The following BANP variants were observed in gnomAD, a reference collection of about 807,000 sequenced individuals.
The protein encoded by BANP is protein BANP.
In BANP, 11 loss-of-function variants were observed where a neutral mutation model predicts 68.1. The ratio of observed to expected loss-of-function variants is 0.16; its 90% CI spans 0.10 to 0.27. The LOEUF is 0.27. Among genes scored for constraint, BANP ranks in the 10% least tolerant of loss-of-function variants. The pLI is 1.00. For synonymous variants in BANP, 329 were observed against 303.2 expected (o/e 1.09, Z -0.88); for missense variants, 504 against 722.7 (o/e 0.70, Z 3.47).
At chr16:88,017,048 G>A (rs2074742489) in intron 6 of BANP, 2 of 152,200 alleles carry the variant, frequency 1.3e-5, no homozygotes, top group South Asian at 2.1e-4. Context: ...AGCTGTGTAT[G>A]CTAGGAGCAC....
Position 87,975,136 on chromosome 16 carries a change from G to T in BANP, c.21G>T (p.Leu7=). The change falls in exon 2 of 14, where the codon CTG becomes CTT. Residue 7 remains leucine, a synonymous_variant. Coordinates refer to ENST00000682872, the MANE Select transcript of BANP (RefSeq NM_001386991.1). ...TCTGGATGATGTCGGAACACGACCT[G>T]GCCGATGTGGTTCAGATTGCAGTGG... MMSEHD[L]ADVVQIAVED... is the part of the protein sequence containing the mutation. 6.2e-7 allele frequency: 1 copy of T among 1,614,098 alleles called. No individual in the cohort carries two copies. The highest frequency in any genetic ancestry group is 8.5e-7 in the Non-Finnish European group (1 of 1,179,994).
At chr16:88,032,430 G>A (rs1598655004) in intron 8 of BANP, among the ~76,000 whole-genome samples, 1 of 152,180 alleles carries the variant, frequency 6.6e-6, no homozygotes, top group East Asian at 1.9e-4. Context: ...TTGAACTCGT[G>A]ACCTCAGGTG....
chr16:87,974,501 C>G (rs904071954), intron 1 of BANP, among the ~76,000 whole-genome samples: 4 of 152,172 alleles, frequency 2.6e-5, no homozygotes, highest in African/African-American at 9.7e-5. Flanking sequence ...TGCTGCCACT[C>G]CGCCGGGCCT....
intron 7 of BANP, among the ~76,000 whole-genome samples, chr16:88,021,116 G>T (rs1270726082): frequency 6.6e-6 from 1 of 152,230 alleles, no homozygotes; most frequent in East Asian, 1.9e-4. Flanking sequence ...GGGAGTGGGA[G>T]CCTGGCATGG....
intron 7 of BANP, among the ~76,000 whole-genome samples, chr16:88,024,352 AAGTGATGAGAGT>A (rs1231939070): frequency 6.6e-6 from 1 of 152,232 alleles, no homozygotes; most frequent in Admixed American, 6.5e-5. Context: ...CTCAAAACCA[AAGTGATGAGAGT>A]AGTGACATTC....
At chr16:88,069,764 C>T (rs148495662) in intron 12 of BANP, among the ~76,000 whole-genome samples, 17 of 152,388 alleles carry the variant, frequency 1.1e-4, no homozygotes, top group East Asian at 9.6e-4. Context: ...CACCAAAAAA[C>T]GAACGTTTGT....
intron 11 of BANP, among the ~76,000 whole-genome samples, chr16:88,038,445 C>T (rs1279316182): frequency 6.6e-6 from 1 of 152,198 alleles, no homozygotes; most frequent in Non-Finnish European, 1.5e-5. Flanking sequence ...AGCTTTTGCG[C>T]TATGGCGGAA....
At chr16:88,020,239 AAGC>A (rs1236870523) in intron 7 of BANP, among the ~76,000 whole-genome samples, 1 of 152,210 alleles carries the variant, frequency 6.6e-6, no homozygotes, top group Non-Finnish European at 1.5e-5. Context: ...TTAGCTCTGA[AAGC>A]AGCCACAGAC....
intron 4 of BANP, among the ~76,000 whole-genome samples, chr16:87,996,927 G>A (rs1322397408): frequency 6.6e-6 from 1 of 152,044 alleles, no homozygotes; most frequent in African/African-American, 2.4e-5. Context: ...GCATGTACTT[G>A]GACAAAGCCT....
At chr16:87,964,707 G>A (rs948372063) in intron 1 of BANP, among the ~76,000 whole-genome samples, 2 of 98,226 alleles carry the variant, frequency 2.0e-5, no homozygotes, top group Non-Finnish European at 4.3e-5. Context: ...ACAGTGAGAC[G>A]GCCGTATGTG....
At chr16:87,997,250 C>T (rs1288279681) in intron 4 of BANP, among the ~76,000 whole-genome samples, 3 of 152,206 alleles carry the variant, frequency 2.0e-5, no homozygotes, top group Non-Finnish European at 4.4e-5. Context: ...TGAGCCACCG[C>T]ACCTGGCTGA....
chr16:88,023,632 A>G (rs1299718478), intron 7 of BANP, among the ~76,000 whole-genome samples: 5 of 152,208 alleles, frequency 3.3e-5, no homozygotes, highest in African/African-American at 1.2e-4. Flanking sequence ...CCACCAAGGC[A>G]CAAGATGACA....
chr16:88,013,836 C>T (rs2073836252), intron 6 of BANP, among the ~76,000 whole-genome samples: 1 of 152,182 alleles, frequency 6.6e-6, no homozygotes, highest in Non-Finnish European at 1.5e-5. Flanking sequence ...TGAGAACATG[C>T]CTGAAAATCT....
chr16:87,970,764 A>G (rs2060957248), intron 1 of BANP, among the ~76,000 whole-genome samples: 1 of 152,250 alleles, frequency 6.6e-6, no homozygotes, highest in African/African-American at 2.4e-5. Flanking sequence ...TCGGCCTGTC[A>G]TCCCAGCACT....
intron 2 of BANP, among the ~76,000 whole-genome samples, chr16:87,975,966 A>C (rs541628728): frequency 6.7e-6 from 1 of 149,414 alleles, no homozygotes; most frequent in Admixed American, 6.7e-5. Flanking sequence ...GAACCTTACC[A>C]TGTGGTGTGT....
intron 4 of BANP, among the ~76,000 whole-genome samples, chr16:87,989,542 A>T (rs2065337787): frequency 6.6e-6 from 1 of 151,864 alleles, no homozygotes; most frequent in African/African-American, 2.4e-5. Context: ...CCGTCAGGGG[A>T]TGCAGGCCCG....
chr16:87,956,282 A>G (rs190918249), intron 1 of BANP, among the ~76,000 whole-genome samples: 1 of 152,246 alleles, frequency 6.6e-6, no homozygotes, highest in African/African-American at 2.4e-5. Context: ...TTTTGAAGGA[A>G]AGACTTCTTG....
intron 6 of BANP, among the ~76,000 whole-genome samples, chr16:88,013,823 G>C (rs1471322056): frequency 6.6e-6 from 1 of 152,340 alleles, no homozygotes; most frequent in East Asian, 1.9e-4. Flanking sequence ...AATGCTGCTG[G>C]TCTGAGAACA....
intron 2 of BANP, among the ~76,000 whole-genome samples, chr16:87,975,862 T>C (rs2062013394): frequency 7.1e-6 from 1 of 140,300 alleles, no homozygotes; most frequent in Non-Finnish European, 1.6e-5. Flanking sequence ...TGTGGCGTCA[T>C]GGAACCTTAC....
Sources: gnomAD v4.1 joint callset for allele counts (sites outside exome capture counted in the v4.1 genomes callset) on GRCh38, gnomAD v4.1.1 for gene constraint, MANE v1.5 for transcripts, NCBI Gene and HGNC (gene_info 2026-07-23, HGNC 2026-07-21) for gene names.